The following NBEAL1 variants were observed in gnomAD, a reference collection of about 807,000 sequenced individuals.
The protein encoded by NBEAL1 is neurobeachin like 1, also known as neurobeachin-like protein 1.
In NBEAL1, 273 loss-of-function variants were observed where a neutral mutation model predicts 351.3. The observed-to-expected ratio is 0.78, with a 90% CI of 0.70 to 0.86. The LOEUF is 0.86. NBEAL1 is among the 40% of genes least tolerant of loss of function. The pLI is 0.00. For synonymous variants in NBEAL1, 1,050 were observed against 1,086.4 expected (o/e 0.97, Z 0.66); for missense variants, 2,961 against 3,201.3 (o/e 0.92, Z 1.81).
At chr2:203,173,208 T>C (rs1485620123) in intron 41 of NBEAL1, among the ~76,000 whole-genome samples, 1 of 152,188 alleles carries the variant, frequency 6.6e-6, no homozygotes, top group African/African-American at 2.4e-5. Flanking sequence ...ATCTGTCTAA[T>C]ATAATATTTG....
chr2:203,213,620 A>G lies in NBEAL1; in HGVS notation c.8037A>G (p.Lys2679=), dbSNP rs1374215041. ...TTCTTGTAGGTTTAGAAGATGGCAA[A>G]TTGATTGTAGTGGGTGTTGGCAAGC... is the stretch of plus-strand genomic sequence containing the variant. The part of the protein sequence containing the change: ...SHILVGLEDG[K]LIVVGVGKPA... The change falls in exon 55 of 56, where the codon AAA becomes AAG. Residue 2679 remains lysine, a synonymous_variant. Coordinates refer to ENST00000683969, the MANE Select transcript of NBEAL1 (RefSeq NM_001378026.1). 2 of 1,614,100 alleles carry G rather than the reference A, an allele frequency of 1.2e-6. No homozygotes were observed. Among genetic ancestry groups the G allele is most frequent in the Non-Finnish European group, 1.7e-6 (2 of 1,179,998 alleles).
chr2:203,161,318 C>A (rs1269170730), intron 36 of NBEAL1, among the ~76,000 whole-genome samples: 1 of 126,228 alleles, frequency 7.9e-6, no homozygotes. Flanking sequence ...TGGAGCTAGA[C>A]TCCATCTCAA....
Position 203,038,741 on chromosome 2 carries a change from G to C in NBEAL1, c.52-3024G>C, listed in dbSNP as rs766376966. Among the ~76,000 whole-genome samples the C allele has an allele frequency of 1.7e-4, 26 of 148,774 alleles. 3 individuals are homozygous for C. Among genetic ancestry groups the C allele is most frequent in the Non-Finnish European group, 3.2e-4 (21 of 66,390 alleles). ...GATGGCATGTGTCACTCAGTGGCAC[G>C]ATCACAGCTCACCCCAGTCTTGACT... On this transcript the variant is annotated intron_variant, in intron 2 of 55. Transcript: ENST00000683969.
rs1409762161 is a variant in NBEAL1 at position 203,191,205 on chromosome 2, T to C, written c.6921+816T>C. On this transcript the variant is annotated intron_variant, in intron 46 of 55. Transcript: ENST00000683969. ...GGACTGCCCAGTCTGTGGGCTGTAA[T>C]GTTGATGGCCGCCATCCTCATGACA... The C allele has an allele frequency of 1.2e-5, 19 of 1,560,056 alleles. No homozygotes were observed. In the East Asian group the frequency reaches 4.0e-4, roughly 33 times the overall value.
At chr2:203,157,562 C>A in intron 35 of NBEAL1, 137 bp from the exon 36 acceptor site, 1 of 523,094 alleles carries the variant, frequency 1.9e-6, no homozygotes, top group Non-Finnish European at 3.0e-6. Flanking sequence ...TACTCTAAAT[C>A]AAAGTACCGT....
intron 12 of NBEAL1, among the ~76,000 whole-genome samples, chr2:203,104,420 G>A (rs1175055107): frequency 6.6e-6 from 1 of 152,038 alleles, no homozygotes; most frequent in Non-Finnish European, 1.5e-5. Flanking sequence ...TTTACTTTAA[G>A]CCTATGGGTG....
At chr2:203,198,551 G>GA (rs1447819207) in intron 48 of NBEAL1, among the ~76,000 whole-genome samples, 1 of 151,968 alleles carries the variant, frequency 6.6e-6, no homozygotes, top group East Asian at 1.9e-4. Flanking sequence ...GAAATCATGA[G>GA]AAAAAATAAT....
intron 44 of NBEAL1, among the ~76,000 whole-genome samples, chr2:203,185,886 C>G (rs750206177): frequency 4.6e-5 from 7 of 152,192 alleles, no homozygotes; most frequent in Non-Finnish European, 1.0e-4. Context: ...AGGAGGGAAA[C>G]TGAGCTCCAT....
At chr2:203,021,081 C>T (rs1339519843) in intron 2 of NBEAL1, among the ~76,000 whole-genome samples, 1 of 152,044 alleles carries the variant, frequency 6.6e-6, no homozygotes, top group East Asian at 1.9e-4. Context: ...CACATGCCAC[C>T]AGGCCCAGCT....
chr2:203,048,522 G>A (rs1020314025), intron 3 of NBEAL1, among the ~76,000 whole-genome samples: 2 of 152,146 alleles, frequency 1.3e-5, no homozygotes, highest in African/African-American at 4.8e-5. Context: ...TGTGACCACA[G>A]GAGTGACCTT....
chr2:203,070,982 T>C (rs2061673179), intron 7 of NBEAL1, among the ~76,000 whole-genome samples: 1 of 152,222 alleles, frequency 6.6e-6, no homozygotes, highest in African/African-American at 2.4e-5. Flanking sequence ...CAGGCTGGTC[T>C]TGAACTCCTG....
At chr2:203,023,659 GCA>G (rs1451942260) in intron 2 of NBEAL1, among the ~76,000 whole-genome samples, 1 of 150,196 alleles carries the variant, frequency 6.7e-6, no homozygotes, top group Non-Finnish European at 1.5e-5. Context: ...GTCTTCCCAT[GCA>G]CAGTTAGCTA....
intron 31 of NBEAL1, among the ~76,000 whole-genome samples, chr2:203,142,302 T>C (rs2063402768): frequency 1.3e-5 from 2 of 152,156 alleles, no homozygotes; most frequent in Admixed American, 6.5e-5. Context: ...ATTATAGGCA[T>C]GTGCCACCTC....
At chr2:203,159,766 T>C (rs2063896617) in intron 36 of NBEAL1, among the ~76,000 whole-genome samples, 1 of 152,116 alleles carries the variant, frequency 6.6e-6, no homozygotes, top group South Asian at 2.1e-4. Flanking sequence ...AGTATAATAG[T>C]TAGATCATAT....
At chr2:203,049,792 T>C (rs1290457294) in intron 3 of NBEAL1, 22 bp from the exon 4 acceptor site, 2 of 1,494,602 alleles carry the variant, frequency 1.3e-6, no homozygotes, top group African/African-American at 1.4e-5. Context: ...AGGCTTCTTA[T>C]TTTTTTCCCT....
intron 24 of NBEAL1, among the ~76,000 whole-genome samples, chr2:203,128,601 CTTTTTTT>C (rs35686158): frequency 7.2e-6 from 1 of 139,350 alleles, no homozygotes; most frequent in Non-Finnish European, 1.5e-5. Flanking sequence ...AGATTTCTTT[CTTTTTTT>C]TTTTTTTTGA....
chr2:203,106,020 A>G (rs557820787), intron 12 of NBEAL1, among the ~76,000 whole-genome samples: 47 of 152,264 alleles, frequency 3.1e-4, no homozygotes, highest in African/African-American at 7.7e-4. Flanking sequence ...TCCAGGTTGT[A>G]TGGCCATGGA....
rs5837843 is a variant in NBEAL1, at chr2:203,153,302, ATTTTTTTTTT to A, written c.5587+1723_5587+1732del. Among the ~76,000 whole-genome samples the A allele has an allele frequency of 7.7e-3, 959 of 124,142 alleles. 13 individuals are homozygous for A. The highest frequency in any genetic ancestry group is 0.028 in the African/African-American group (924 of 32,752). 81.4% of individuals were successfully genotyped at this position (124,142 alleles called of 152,430 possible). ...TGCATACCACCATGCCATGCCCAGC[ATTTTTTTTTT>A]TTTTTTTTTGGTAGAGACAAGGTCT... On this transcript the variant is annotated intron_variant, in intron 35 of 55. Coordinates refer to ENST00000683969, the MANE Select transcript of NBEAL1 (RefSeq NM_001378026.1).
chr2:203,209,713 A>ATG (rs56169732), intron 53 of NBEAL1, among the ~76,000 whole-genome samples: 2,163 of 138,664 alleles, frequency 0.016, 51 homozygotes, highest in East Asian at 0.065. Flanking sequence ...TTTAATTAAT[A>ATG]TGTGTGTGTG....
Sources: allele counts gnomAD v4.1 joint callset (sites outside exome capture counted in the v4.1 genomes callset), GRCh38; gene constraint gnomAD v4.1.1; transcripts MANE v1.5; gene names NCBI Gene and HGNC (gene_info 2026-07-23, HGNC 2026-07-21).